Variants in PC observed in about 807,000 individuals in gnomAD.
PC encodes pyruvate carboxylase, mitochondrial.
A neutral mutation model predicts 107.8 loss-of-function variants in PC; 46 were observed. The observed-to-expected ratio is 0.43, with a 90% CI of 0.34 to 0.55. The LOEUF is 0.55. Among genes scored for constraint, PC ranks in the 20% least tolerant of loss-of-function variants. The pLI, the probability that PC is intolerant of heterozygous loss-of-function variation, is 0.04. For synonymous variants in PC, 662 were observed against 684.7 expected, an observed-to-expected ratio of 0.97 and a Z score of 0.52; for missense variants, 1,241 against 1,643.1, an observed-to-expected ratio of 0.76 and a Z score of 4.23.
intron 3 of PC, among the ~76,000 whole-genome samples, chr11:66,904,060 C>G (rs900529217): frequency 6.6e-6 from 1 of 151,992 alleles, no homozygotes; most frequent in African/African-American, 2.4e-5. Flanking sequence ...CTTTAGCAGA[C>G]ACTCTCACTT....
rs951257456 is a variant in PC at position 66,872,234 on chromosome 11, C to T, written c.1-75G>A. On this transcript the variant is annotated intron_variant, in intron 3 of 22. Coordinates refer to ENST00000393960, the MANE Select transcript of PC (RefSeq NM_001040716.2). Reference sequence around the variant, plus strand: ...TCCTCAGAATGAGTGAGGGCCCTTCCCAACCCCACAGTGGCCCCACAGAAA... The same window carrying T: ...TCCTCAGAATGAGTGAGGGCCCTTCTCAACCCCACAGTGGCCCCACAGAAA... 1.1e-5 allele frequency: 16 copies of T among 1,495,990 alleles called. No individual in the cohort carries two copies. In the Admixed American group the frequency reaches 3.2e-4, roughly 29 times the overall value. The allele number at this position is 1,495,990 out of a possible 1,614,324, so 92.7% of individuals were successfully genotyped here. A position where few individuals can be genotyped will look rare whatever the true frequency, so the allele number is the denominator to read the frequency against.
At position 66,867,258 on chromosome 11, in the gene PC, T is replaced by C. The variant is rs189299297; in HGVS notation, c.1023-909A>G. On this transcript the variant is annotated intron_variant, in intron 10 of 22. Transcript: ENST00000393960. ...AAAATTAGCCAGGCCTGGTAGTGTGTGCCTGTAATCCCAGCTACTCAGGAG... is the reference window on the plus strand; with the variant it reads ...AAAATTAGCCAGGCCTGGTAGTGTGCGCCTGTAATCCCAGCTACTCAGGAG... Among the ~76,000 whole-genome samples, 1,400 of 152,246 alleles carry C rather than the reference T, an allele frequency of 9.2e-3. 26 individuals carry two copies. Among genetic ancestry groups the C allele is most frequent in the African/African-American group, 0.031 (1,294 of 41,538 alleles).
Position 66,849,820 on chromosome 11 carries a change from C to T in PC, c.2938G>A (p.Ala980Thr). Residue 980 changes from alanine to threonine, a missense_variant, in exon 21 of 23, where the codon GCC (alanine) becomes ACC (threonine). By Grantham distance (58) the Ala-to-Thr change is moderately conservative. Around this residue, in one of 2 missense-constraint regions of PC, gnomAD observed 1,143 missense variants for 1,551.9 expected, o/e 0.74. Coordinates refer to ENST00000393960, the MANE Select transcript of PC (RefSeq NM_001040716.2). ...TGCAGATCCAGGGGAGGGAGGGAGG[C>T]TCCAGGCCGCCCCTCCACCCTTGGC... ...DLPRVEGRPG[A>T]SLPPLDLQAL... 1.9e-6 allele frequency: 3 copies of T among 1,613,898 alleles called. No individual in the cohort carries two copies. Among genetic ancestry groups the T allele is most frequent in the Non-Finnish European group, 2.5e-6 (3 of 1,179,996 alleles).
At chr11:66,859,980 A>G (rs1221210384) in intron 12 of PC, 1 of 1,600,576 alleles carries the variant, frequency 6.2e-7, no homozygotes, top group African/African-American at 1.3e-5. Context: ...TGGAGGCCCC[A>G]GCCCCACACC....
rs2136006649 is a variant in PC at position 66,889,755 on chromosome 11, CTTTGTGATTCTT to C, written c.1-17608_1-17597del. ...CACACTCTGCAAACAGGTGCAGTTC[CTTTGTGATTCTT>C]CCTAATACCATTCCGGGTCCTTTTC... On this transcript the variant is annotated intron_variant, in intron 3 of 22. Coordinates refer to ENST00000393960, the MANE Select transcript of PC (RefSeq NM_001040716.2). Among the ~76,000 whole-genome samples, 3 of 152,264 alleles carry C rather than the reference CTTTGTGATTCTT, an allele frequency of 2.0e-5. No homozygotes were observed. In the East Asian group the frequency reaches 5.8e-4, roughly 29 times the overall value.
intron 3 of PC, among the ~76,000 whole-genome samples, chr11:66,928,209 A>AC (rs1682682821): frequency 6.6e-6 from 1 of 151,920 alleles, no homozygotes; most frequent in Admixed American, 6.6e-5. Context: ...ACACGGTGAA[A>AC]CCCCATCTCT....
intron 3 of PC, among the ~76,000 whole-genome samples, chr11:66,882,063 G>A (rs1183058849): frequency 6.6e-6 from 1 of 152,218 alleles, no homozygotes; most frequent in African/African-American, 2.4e-5. Context: ...GACGAACAAT[G>A]TCAGCAGTCA....
chr11:66,854,513 GACA>G (rs1261496827), intron 12 of PC, among the ~76,000 whole-genome samples: 1 of 152,210 alleles, frequency 6.6e-6, no homozygotes, highest in African/African-American at 2.4e-5. Flanking sequence ...ATGCCTGGGT[GACA>G]ACATGAGGCT....
chr11:66,938,618 C>A (rs577431635), intron 3 of PC, among the ~76,000 whole-genome samples: 1 of 152,148 alleles, frequency 6.6e-6, no homozygotes, highest in South Asian at 2.1e-4. Context: ...ATTTTTTAAA[C>A]ACATAATTTT....
At chr11:66,919,044 G>A (rs1196496228) in intron 3 of PC, among the ~76,000 whole-genome samples, 1 of 152,174 alleles carries the variant, frequency 6.6e-6, no homozygotes, top group African/African-American at 2.4e-5. Flanking sequence ...CTGGGACTGT[G>A]GGCCCAGGTG....
Position 66,849,106 on chromosome 11 carries a change from G to A in PC, c.3330C>T (p.Gly1110=), listed in dbSNP as rs909244617. 6.2e-7 allele frequency: 1 copy of A among 1,613,970 alleles called. No homozygotes were observed. Among genetic ancestry groups the A allele is most frequent in the Non-Finnish European group, 8.5e-7 (1 of 1,180,052 alleles). The change falls in exon 23 of 23, where the codon GGC becomes GGT. Residue 1110 remains glycine (G), a synonymous_variant. Coordinates refer to ENST00000393960, the MANE Select transcript of PC (RefSeq NM_001040716.2). The stretch of plus-strand genomic sequence containing the variant: ...TCCCAGGCATGGGCGCCCCGATCTG[G>A]CCCTTCACGTCCTTTAGGGCCTTGG... ...FHPKALKDVK[G]QIGAPMPGKV... is the part of the protein sequence containing the mutation.
At chr11:66,868,821 GC>G in intron 10 of PC, 24 bp downstream of exon 10, 1 of 1,577,188 alleles carries the variant, frequency 6.3e-7, no homozygotes, top group Non-Finnish European at 8.7e-7. Context: ...CGCGCCTCCC[GC>G]CCCGCCTGCC....
Position 66,852,134 on chromosome 11 carries a change from G to A in PC, c.1826-188C>T, listed in dbSNP as rs1565214618. Among the ~76,000 whole-genome samples, 1 of 152,172 alleles carries A rather than the reference G, an allele frequency of 6.6e-6. No homozygotes were observed. The highest frequency in any genetic ancestry group is 1.5e-5 in the Non-Finnish European group (1 of 68,020). Reference sequence around the variant, plus strand: ...GTCTGATCTCTAAGGGGGAGACCAGGCTCATTTGTGTCCCTTCTATGCCCC... The same window carrying A: ...GTCTGATCTCTAAGGGGGAGACCAGACTCATTTGTGTCCCTTCTATGCCCC... On this transcript the variant is annotated intron_variant, in intron 15 of 22. Coordinates refer to ENST00000393960, the MANE Select transcript of PC (RefSeq NM_001040716.2). This position sits in a 1 kb window ranked among gnomAD's most constrained non-coding sequence, Gnocchi z 4.7.
At chr11:66,945,858 G>T (rs1020870019) in intron 3 of PC, among the ~76,000 whole-genome samples, 1 of 140,476 alleles carries the variant, frequency 7.1e-6, no homozygotes, top group African/African-American at 2.6e-5. Flanking sequence ...AGGCCGAGGC[G>T]GGTGGATCAT....
Position 66,848,643 on chromosome 11 carries a change from CA to C in PC, c.*255del. On this transcript the variant is annotated 3_prime_UTR_variant, in exon 23 of 23. Coordinates refer to ENST00000393960, the MANE Select transcript of PC (RefSeq NM_001040716.2). ...CCCTGGGTCCTAGGACCACCTGACC[CA>C]CCACTTGTAGTCTCCAGTGAGGAGG... is the stretch of plus-strand genomic sequence containing the variant. 8 of 610,664 alleles carry C rather than the reference CA, an allele frequency of 1.3e-5. No individual in the cohort carries two copies. The highest frequency in any genetic ancestry group is 2.3e-5 in the Non-Finnish European group (8 of 343,338). 37.8% of individuals were successfully genotyped at this position (610,664 alleles called of 1,614,324 possible).
chr11:66,921,708 T>G (rs1008267719), intron 3 of PC, among the ~76,000 whole-genome samples: 1 of 152,156 alleles, frequency 6.6e-6, no homozygotes, highest in African/African-American at 2.4e-5. Flanking sequence ...TTCTTCAAGG[T>G]AACGCCTTTT....
Position 66,850,323 on chromosome 11 carries a change from G to A in PC, c.2615C>T (p.Thr872Ile). 1 of 1,614,140 alleles carries A rather than the reference G, an allele frequency of 6.2e-7. No individual in the cohort carries two copies. Among genetic ancestry groups the A allele is most frequent in the Non-Finnish European group, 8.5e-7 (1 of 1,180,036 alleles). ...GCTGTGGGCCTGGAAGTGCAGGTTGGTGTACTGGCCCCCTGGGATCTCATT... is the reference window on the plus strand; with the variant it reads ...GCTGTGGGCCTGGAAGTGCAGGTTGATGTACTGGCCCCCTGGGATCTCATT... ...YENEIPGGQYTNLHFQAHSMG... is the reference protein window; with the variant it reads ...YENEIPGGQYINLHFQAHSMG... The change falls in exon 19 of 23, where the codon ACC (threonine) becomes ATC (isoleucine). Residue 872 changes from threonine to isoleucine, a missense_variant. Transcript: ENST00000393960.
chr11:66,868,461 C>T (rs1270360236), intron 10 of PC, among the ~76,000 whole-genome samples: 3 of 152,122 alleles, frequency 2.0e-5, no homozygotes, highest in South Asian at 4.1e-4. Context: ...ACAGGTAAAC[C>T]GGGAAAGGAG....
chr11:66,889,747 T>TGG lies in PC; in HGVS notation c.1-17589_1-17588insCC, dbSNP rs2136006604. 2.0e-5 allele frequency among the ~76,000 whole-genome samples: 3 copies of TGG among 152,222 alleles called. No individual in the cohort carries two copies. In the East Asian group the frequency reaches 5.8e-4, roughly 29 times the overall value. On this transcript the variant is annotated intron_variant, in intron 3 of 22. Coordinates refer to ENST00000393960, the MANE Select transcript of PC (RefSeq NM_001040716.2). ...AAAAAAACCACACTCTGCAAACAGGTGCAGTTCCTTTGTGATTCTTCCTAA... is the reference window on the plus strand; with the variant it reads ...AAAAAAACCACACTCTGCAAACAGGTGGGCAGTTCCTTTGTGATTCTTCCTAA...
Sources: gnomAD v4.1 joint callset for allele counts (sites outside exome capture counted in the v4.1 genomes callset) on GRCh38, gnomAD v4.1.1 for gene constraint, gnomAD v4.1.1 regional missense constraint, Gnocchi (gnomAD v3.1) non-coding constraint, MANE v1.5 for transcripts, NCBI Gene and HGNC (gene_info 2026-07-23, HGNC 2026-07-21) for gene names.